CELF2: variants seen among roughly 807,000 people sequenced by gnomAD.
CELF2 encodes CUGBP Elav-like family member 2.
Under a neutral mutation model 62.6 loss-of-function variants are expected in CELF2, and 8 were observed. The ratio of observed to expected loss-of-function variants is 0.13; its 90% CI spans 0.07 to 0.23. The LOEUF is 0.23. CELF2 is among the 10% of genes least tolerant of loss of function. The pLI is 1.00. For missense variants in CELF2, 333 were observed against 671.0 expected (o/e 0.50, Z 5.56); for synonymous variants, 258 against 250.0 (o/e 1.03, Z -0.30).
At chr10:11,264,967 GT>G (rs1339219050) in intron 5 of CELF2, among the ~76,000 whole-genome samples, 1 of 152,194 alleles carries the variant, frequency 6.6e-6, no homozygotes, top group African/African-American at 2.4e-5. Flanking sequence ...GTTTTTGTGT[GT>G]TAAAAATTAT....
At chr10:11,126,901 C>CTT (rs376986309) in intron 1 of CELF2, among the ~76,000 whole-genome samples, 1 of 146,332 alleles carries the variant, frequency 6.8e-6, no homozygotes, top group African/African-American at 2.5e-5. Context: ...TCTTTATTGT[C>CTT]TTTTTTTTTT....
intron 1 of CELF2, among the ~76,000 whole-genome samples, chr10:10,917,471 C>G (rs887849119): frequency 2.0e-5 from 3 of 152,146 alleles, no homozygotes; most frequent in Admixed American, 1.3e-4. Flanking sequence ...TCCCAAGTAG[C>G]TAGGATTACA....
chr10:10,645,606 A>T, the CELF2 span, among the ~76,000 whole-genome samples: 1 of 152,326 alleles, frequency 6.6e-6, no homozygotes, highest in Non-Finnish European at 1.5e-5. Flanking sequence ...GGGAGCCATC[A>T]TTGCACCACC....
chr10:10,510,076 T>C, the CELF2 span, among the ~76,000 whole-genome samples: 1 of 152,240 alleles, frequency 6.6e-6, no homozygotes, highest in Admixed American at 6.5e-5. Flanking sequence ...CTAGCCCTGC[T>C]CCTTTTTCCT....
At chr10:10,880,231 G>A (rs1208261068) in intron 1 of CELF2, among the ~76,000 whole-genome samples, 1 of 152,162 alleles carries the variant, frequency 6.6e-6, no homozygotes, top group African/African-American at 2.4e-5. Flanking sequence ...GTGAGGGGCT[G>A]GGCCTACCAG....
intron 1 of CELF2, among the ~76,000 whole-genome samples, chr10:11,047,429 T>A (rs1238892032): frequency 6.6e-6 from 1 of 152,216 alleles, no homozygotes; most frequent in Non-Finnish European, 1.5e-5. Context: ...AATTCAGGGC[T>A]GTCAGGATCT....
the CELF2 span, among the ~76,000 whole-genome samples, chr10:10,483,970 T>C: frequency 7.5e-6 from 1 of 134,012 alleles, no homozygotes; most frequent in Non-Finnish European, 1.6e-5. Context: ...CTCCCATCTC[T>C]CTCTCTGTCC....
intron 1 of CELF2, among the ~76,000 whole-genome samples, chr10:10,880,213 C>T (rs1246600463): frequency 6.6e-6 from 1 of 152,152 alleles, no homozygotes; most frequent in African/African-American, 2.4e-5. Context: ...GCAAGTCCTA[C>T]AGAGACTGTG....
chr10:10,965,478 G>A (rs2050025762), intron 2 of CELF2, among the ~76,000 whole-genome samples: 1 of 152,314 alleles, frequency 6.6e-6, no homozygotes, highest in Non-Finnish European at 1.5e-5. Flanking sequence ...GAATCACCTA[G>A]AGGTCTTGTT....
intron 1 of CELF2, among the ~76,000 whole-genome samples, chr10:11,136,818 T>G (rs1209059974): frequency 6.6e-6 from 1 of 152,168 alleles, no homozygotes; most frequent in Admixed American, 6.5e-5. Flanking sequence ...TATTTATAAT[T>G]TAAACATCAC....
At chr10:10,497,756 G>C in the CELF2 span, among the ~76,000 whole-genome samples, 1 of 152,146 alleles carries the variant, frequency 6.6e-6, no homozygotes, top group Admixed American at 6.5e-5. Context: ...AGAAAAGGAC[G>C]ATGAATCAGG....
rs80129731 is a variant in CELF2, at chr10:11,291,920, C to T, written c.976+3368C>T. On this transcript the variant is annotated intron_variant, in intron 9 of 12. Transcript: ENST00000633077. ...TGAATATTTTTTGGTATTTTTTGGT[C>T]TAAAATGTATTGCATTCACGTACCA... Among the ~76,000 whole-genome samples, 162 of 152,270 alleles carry T rather than the reference C, an allele frequency of 1.1e-3. 1 individual carries two copies. In the East Asian group the frequency reaches 0.029, roughly 27 times the overall value.
At chr10:10,736,091 C>A in the CELF2 span, among the ~76,000 whole-genome samples, 1 of 152,144 alleles carries the variant, frequency 6.6e-6, no homozygotes, top group Non-Finnish European at 1.5e-5. Flanking sequence ...CAGTCTAGTT[C>A]TGAAAATTCT....
intron 9 of CELF2, among the ~76,000 whole-genome samples, chr10:11,307,574 A>G (rs1317660220): frequency 3.3e-5 from 5 of 152,230 alleles, no homozygotes; most frequent in African/African-American, 1.2e-4. Flanking sequence ...TTCATTACAT[A>G]GATTATTTAA....
chr10:10,474,674 T>C, the CELF2 span, among the ~76,000 whole-genome samples: 1 of 152,122 alleles, frequency 6.6e-6, no homozygotes, highest in Non-Finnish European at 1.5e-5. Flanking sequence ...CACCCCCTGC[T>C]GTGGGGGTTA....
At chr10:10,683,941 T>C in the CELF2 span, among the ~76,000 whole-genome samples, 1 of 152,174 alleles carries the variant, frequency 6.6e-6, no homozygotes. Flanking sequence ...TTTTTCCTCT[T>C]GACTGTTTCT....
chr10:10,880,555 A>G (rs1423365388), intron 1 of CELF2, among the ~76,000 whole-genome samples: 1 of 152,162 alleles, frequency 6.6e-6, no homozygotes, highest in Non-Finnish European at 1.5e-5. Flanking sequence ...TTGGGGTGTT[A>G]CGGATACTGG....
intron 1 of CELF2, among the ~76,000 whole-genome samples, chr10:10,847,155 G>A (rs2059066464): frequency 6.6e-6 from 1 of 150,546 alleles, no homozygotes; most frequent in South Asian, 2.1e-4. Context: ...ATTTATATTA[G>A]GTATATATAT....
chr10:10,884,795 G>A (rs189483759), intron 1 of CELF2, among the ~76,000 whole-genome samples: 58 of 152,350 alleles, frequency 3.8e-4, no homozygotes, highest in African/African-American at 1.3e-3. Flanking sequence ...CTTCTATACA[G>A]TGCCACTGTG....
Sources: gnomAD v4.1 joint callset for allele counts (sites outside exome capture counted in the v4.1 genomes callset) on GRCh38, gnomAD v4.1.1 for gene constraint, MANE v1.5 for transcripts, NCBI Gene and HGNC (gene_info 2026-07-23, HGNC 2026-07-21) for gene names.